Variants in SPTLC3 observed in about 807,000 individuals in gnomAD.
SPTLC3 encodes serine palmitoyltransferase 3.
A neutral mutation model predicts 59.3 loss-of-function variants in SPTLC3; 36 were observed. The ratio of observed to expected loss-of-function variants is 0.61; its 90% CI spans 0.47 to 0.80. The LOEUF is 0.80. SPTLC3 is among the 30% of genes least tolerant of loss of function. SPTLC3 has a pLI of 0.00. For missense variants in SPTLC3, 625 were observed against 685.1 expected, an observed-to-expected ratio of 0.91 and a Z score of 0.98; for synonymous variants, 257 against 240.8, an observed-to-expected ratio of 1.07 and a Z score of -0.62.
chr20:13,049,497 A>G (rs756369042), intron 2 of SPTLC3: 26 of 181,990 alleles, frequency 1.4e-4, no homozygotes, highest in Admixed American at 6.0e-5. Flanking sequence ...TCTAGTTGTA[A>G]GTTGGGTATT....
intron 9 of SPTLC3, among the ~76,000 whole-genome samples, chr20:13,143,790 A>G (rs2038441369): frequency 6.6e-6 from 1 of 152,220 alleles, no homozygotes; most frequent in South Asian, 2.1e-4. Flanking sequence ...TCAAGGAACC[A>G]CATTAACACA....
chr20:13,165,027 C>T lies in SPTLC3; in HGVS notation c.*160C>T. On this transcript the variant is annotated 3_prime_UTR_variant, in exon 12 of 12. Coordinates refer to ENST00000399002, the MANE Select transcript of SPTLC3 (RefSeq NM_018327.4). Reference sequence around the variant, plus strand: ...GAGACGTTGTTGTTTTTAATGTCTCCAGCTTGGACTGCAGAGACAAAAACA... The same window carrying T: ...GAGACGTTGTTGTTTTTAATGTCTCTAGCTTGGACTGCAGAGACAAAAACA... 1.7e-6 allele frequency: 1 copy of T among 580,752 alleles called. No individual in the cohort carries two copies. The highest frequency in any genetic ancestry group is 3.0e-6 in the Non-Finnish European group (1 of 330,510). 36.0% of individuals were successfully genotyped at this position (580,752 alleles called of 1,614,324 possible). A position where few individuals can be genotyped will look rare whatever the true frequency, so the allele number is the denominator to read the frequency against.
At position 13,154,028 on chromosome 20, in the gene SPTLC3, GA is replaced by G; in HGVS notation, c.1310del (p.Asn437ThrfsTer35). ...GGCTGCAGAGAGTACAGCAACTTGC[GA>G]AAAACACAAGATACTTCAGACAAAG... ...QGLQRVQQLAKNTRYFRQRLQ... is the reference protein window; with the variant it reads ...QGLQRVQQLAXNTRYFRQRLQ... On this transcript the variant is annotated frameshift_variant, in exon 10 of 12. Transcript: ENST00000399002. LOFTEE classifies it high-confidence loss of function. 2 of 1,614,078 alleles carry G rather than the reference GA, an allele frequency of 1.2e-6. No homozygotes were observed. The highest frequency in any genetic ancestry group is 1.7e-6 in the Non-Finnish European group (2 of 1,179,972).
intron 9 of SPTLC3, among the ~76,000 whole-genome samples, chr20:13,130,561 A>G (rs1032591843): frequency 3.9e-5 from 6 of 152,250 alleles, no homozygotes; most frequent in African/African-American, 1.4e-4. Flanking sequence ...TCCCAGTGAA[A>G]TGACAATGTT....
intron 1 of SPTLC3, among the ~76,000 whole-genome samples, chr20:13,045,525 T>G (rs932530439): frequency 6.6e-6 from 1 of 152,182 alleles, no homozygotes; most frequent in African/African-American, 2.4e-5. Context: ...AAGAATATAG[T>G]AAGTGAGTCA....
chr20:13,080,127 A>G (rs982394408), intron 4 of SPTLC3, among the ~76,000 whole-genome samples: 1 of 152,212 alleles, frequency 6.6e-6, no homozygotes, highest in African/African-American at 2.4e-5. Flanking sequence ...ACATGTTAAT[A>G]TTCTTAACAC....
chr20:13,131,219 T>A (rs1408816083), intron 9 of SPTLC3, among the ~76,000 whole-genome samples: 1 of 152,206 alleles, frequency 6.6e-6, no homozygotes, highest in Non-Finnish European at 1.5e-5. Flanking sequence ...TTTTTTGAAC[T>A]CCCAGTCTTG....
chr20:13,091,165 A>G lies in SPTLC3; in HGVS notation c.690A>G (p.Gly230=). The G allele has an allele frequency of 6.2e-7, 1 of 1,613,958 alleles. No individual in the cohort carries two copies. The highest frequency in any genetic ancestry group is 8.5e-7 in the Non-Finnish European group (1 of 1,179,900). ...AAGCAGCTATGGTCTTTGGGATGGG[A>G]TTCGCAACTAACTCAATGAATATCC... ...NVEAAMVFGM[G]FATNSMNIPA... Residue 230 remains glycine, a synonymous_variant, in exon 5 of 12, where the codon GGA becomes GGG. Transcript: ENST00000399002.
chr20:13,165,789 T>G lies in SPTLC3; in HGVS notation c.*922T>G, dbSNP rs1236354105. On this transcript the variant is annotated 3_prime_UTR_variant, in exon 12 of 12. Coordinates refer to ENST00000399002, the MANE Select transcript of SPTLC3 (RefSeq NM_018327.4). ...TTAGAATCGACTCCCAAGACTATAT[T>G]TGAAGAATGCATTGATTCAAGAAGG... 1 of 152,194 alleles carries G rather than the reference T, an allele frequency of 6.6e-6. No homozygotes were observed. The highest frequency in any genetic ancestry group is 2.4e-5 in the African/African-American group (1 of 41,458). The allele number at this position is 152,194 out of a possible 1,614,324, so 9.4% of individuals were successfully genotyped here. A position where few individuals can be genotyped will look rare whatever the true frequency, so the allele number is the denominator to read the frequency against.
At chr20:13,153,138 T>C (rs1449375864) in intron 9 of SPTLC3, among the ~76,000 whole-genome samples, 1 of 152,212 alleles carries the variant, frequency 6.6e-6, no homozygotes, top group Non-Finnish European at 1.5e-5. Context: ...TATTCATTCT[T>C]ATTGAGCAAA....
At chr20:13,158,740 G>A (rs562172311) in intron 10 of SPTLC3, among the ~76,000 whole-genome samples, 8 of 152,246 alleles carry the variant, frequency 5.3e-5, no homozygotes, top group African/African-American at 1.9e-4. Context: ...AGCCAGAGAG[G>A]CTGTGTGTCT....
intron 7 of SPTLC3, among the ~76,000 whole-genome samples, chr20:13,117,099 A>G (rs574469565): frequency 6.6e-6 from 1 of 152,390 alleles, no homozygotes; most frequent in Admixed American, 6.5e-5. Context: ...TAAGTCAAAC[A>G]GACCTGGCCA....
At chr20:13,094,869 A>T (rs1353949243) in intron 6 of SPTLC3, among the ~76,000 whole-genome samples, 1 of 152,180 alleles carries the variant, frequency 6.6e-6, no homozygotes, top group Non-Finnish European at 1.5e-5. Flanking sequence ...GCCCCCTCAG[A>T]CTTATAGGGT....
chr20:13,046,072 A>C (rs1177840101), intron 1 of SPTLC3, among the ~76,000 whole-genome samples: 1 of 152,190 alleles, frequency 6.6e-6, no homozygotes, highest in Non-Finnish European at 1.5e-5. Flanking sequence ...TTAATTTGCA[A>C]GCAGGTTAAA....
intron 4 of SPTLC3, among the ~76,000 whole-genome samples, chr20:13,078,279 G>A (rs1988718396): frequency 6.7e-6 from 1 of 149,634 alleles, no homozygotes; most frequent in African/African-American, 2.4e-5. Context: ...TCAAATAACA[G>A]AATAACATAA....
intron 9 of SPTLC3, among the ~76,000 whole-genome samples, chr20:13,148,166 A>T (rs748210318): frequency 6.6e-6 from 1 of 152,206 alleles, no homozygotes; most frequent in Non-Finnish European, 1.5e-5. Flanking sequence ...TATTTTTGGA[A>T]ATGCCACTGA....
chr20:13,125,289 C>G (rs1186035079), intron 8 of SPTLC3, among the ~76,000 whole-genome samples: 1 of 152,182 alleles, frequency 6.6e-6, no homozygotes, highest in Non-Finnish European at 1.5e-5. Flanking sequence ...CACTGAAAAC[C>G]AGCATTCTGG....
At chr20:13,066,651 G>A (rs1388794401) in intron 2 of SPTLC3, among the ~76,000 whole-genome samples, 2 of 152,294 alleles carry the variant, frequency 1.3e-5, no homozygotes, top group East Asian at 3.9e-4. Flanking sequence ...TCTGTGAAGT[G>A]TGAAACTTTA....
intron 9 of SPTLC3, among the ~76,000 whole-genome samples, chr20:13,140,315 A>T (rs939331272): frequency 2.0e-5 from 3 of 152,134 alleles, no homozygotes; most frequent in African/African-American, 7.2e-5. Flanking sequence ...CACCCCAGTC[A>T]CTCACTCAGC....
Sources: allele counts gnomAD v4.1 joint callset (sites outside exome capture counted in the v4.1 genomes callset), GRCh38; gene constraint gnomAD v4.1.1; transcripts MANE v1.5; gene names NCBI Gene and HGNC (gene_info 2026-07-23, HGNC 2026-07-21).